Variants in PPM1A observed in about 807,000 individuals in gnomAD.
PPM1A encodes the protein protein phosphatase 1A.
In PPM1A, 7 loss-of-function variants were observed where a neutral mutation model predicts 35.0. The observed-to-expected ratio is 0.20, with a 90% CI of 0.11 to 0.38. The LOEUF is 0.38. Among genes scored for constraint, PPM1A ranks in the 10% least tolerant of loss-of-function variants. The pLI, the probability that PPM1A is intolerant of heterozygous loss-of-function variation, is 1.00. For missense variants in PPM1A, 239 were observed against 467.8 expected, an observed-to-expected ratio of 0.51 and a Z score of 4.51; for synonymous variants, 153 against 167.3, an observed-to-expected ratio of 0.91 and a Z score of 0.66.
chr14:60,262,851 G>A (rs914321468), intron 1 of PPM1A, among the ~76,000 whole-genome samples: 2 of 152,182 alleles, frequency 1.3e-5, no homozygotes, highest in African/African-American at 4.8e-5. Flanking sequence ...TCATTGTGCT[G>A]GTATTTTCTG....
intron 2 of PPM1A, among the ~76,000 whole-genome samples, chr14:60,284,484 C>G (rs1886732463): frequency 6.6e-6 from 1 of 151,716 alleles, no homozygotes; most frequent in East Asian, 1.9e-4. Flanking sequence ...TACTAAAAAA[C>G]ACAAAAAATT....
rs1411079480 is a variant in PPM1A, at chr14:60,298,107, A to C, written c.*5625A>C. On this transcript the variant is annotated 3_prime_UTR_variant, in exon 6 of 6. Transcript: ENST00000395076. The stretch of plus-strand genomic sequence containing the variant: ...GGTGGGGAAAGTGATTAAAAGGTGA[A>C]AAAAAAACATAGTATTCAGAAGTTT... The C allele has an allele frequency of 1.3e-5, 2 of 151,650 alleles. No individual in the cohort carries two copies. Among genetic ancestry groups the C allele is most frequent in the Non-Finnish European group, 3.0e-5 (2 of 67,704 alleles). The allele number at this position is 151,650 out of a possible 1,614,324, so 9.4% of individuals were successfully genotyped here.
At chr14:60,256,115 T>C (rs1336633118) in intron 1 of PPM1A, among the ~76,000 whole-genome samples, 1 of 152,246 alleles carries the variant, frequency 6.6e-6, no homozygotes, top group African/African-American at 2.4e-5. Context: ...AATGCTAGAC[T>C]ATTTTCAGTG....
chr14:60,253,687 A>G (rs1882711087), intron 1 of PPM1A, among the ~76,000 whole-genome samples: 1 of 152,204 alleles, frequency 6.6e-6, no homozygotes, highest in Non-Finnish European at 1.5e-5. Flanking sequence ...TCTCATTCCC[A>G]AAGTTTCAGA....
At chr14:60,254,447 A>G (rs905156357) in intron 1 of PPM1A, among the ~76,000 whole-genome samples, 3 of 152,214 alleles carry the variant, frequency 2.0e-5, no homozygotes, top group Non-Finnish European at 2.9e-5. Flanking sequence ...ATCAGTCAGT[A>G]AGGAAGGACA....
At chr14:60,246,147 T>G (rs1409974654), upstream of PPM1A, 8 of 1,129,718 alleles carry the variant, frequency 7.1e-6, no homozygotes, top group Non-Finnish European at 9.9e-6. Context: ...AGGGGTATTC[T>G]CAAATACTAG....
chr14:60,251,723 C>T (rs1882443333), intron 1 of PPM1A, among the ~76,000 whole-genome samples: 1 of 152,060 alleles, frequency 6.6e-6, no homozygotes, highest in Admixed American at 6.5e-5. Context: ...ATTTCTTTCT[C>T]GGTTCTGTTT....
At chr14:60,258,035 C>G (rs1883337121) in intron 1 of PPM1A, among the ~76,000 whole-genome samples, 1 of 152,044 alleles carries the variant, frequency 6.6e-6, no homozygotes, top group Admixed American at 6.6e-5. Flanking sequence ...GTTTTGTGAC[C>G]AACCCACAGC....
chr14:60,278,185 G>A (rs1296103126), intron 1 of PPM1A, among the ~76,000 whole-genome samples: 1 of 152,176 alleles, frequency 6.6e-6, no homozygotes, highest in Middle Eastern at 3.2e-3. Flanking sequence ...GTTGTTCAGA[G>A]ATAAAAATGT....
At chr14:60,251,630 T>G (rs553478004) in intron 1 of PPM1A, among the ~76,000 whole-genome samples, 83 of 152,348 alleles carry the variant, frequency 5.4e-4, no homozygotes, top group Non-Finnish European at 7.9e-4. Context: ...TTTATCAATA[T>G]TGTGTGTCTA....
chr14:60,290,150 T>A (rs573430869), intron 4 of PPM1A, among the ~76,000 whole-genome samples: 10 of 152,312 alleles, frequency 6.6e-5, no homozygotes, highest in African/African-American at 2.2e-4. Flanking sequence ...TGGTTGGCAT[T>A]GATTTCCTCA....
rs377106476 is a variant in PPM1A, at chr14:60,249,458, A to G, written c.-240A>G. The G allele has an allele frequency of 1.5e-4, 143 of 985,094 alleles. No homozygotes were observed. The African/African-American group carries it at 1.8e-3, about 12-fold the overall frequency. 61.0% of individuals were successfully genotyped at this position (985,094 alleles called of 1,614,324 possible). ...GACCCGCTCTCTGCCTCCCTCTCCAACGCCCGGATGATCTGAGCCGCGAGG... is the reference window on the plus strand; with the variant it reads ...GACCCGCTCTCTGCCTCCCTCTCCAGCGCCCGGATGATCTGAGCCGCGAGG... On this transcript the variant is annotated 5_prime_UTR_variant, in exon 1 of 6. Transcript: ENST00000395076. This position sits in a 1 kb window ranked among gnomAD's most constrained non-coding sequence, Gnocchi z 4.5.
chr14:60,264,571 G>A (rs986115067), intron 1 of PPM1A, among the ~76,000 whole-genome samples: 3 of 152,170 alleles, frequency 2.0e-5, no homozygotes, highest in Non-Finnish European at 2.9e-5. Flanking sequence ...GCTTAAGTAT[G>A]TTGTTTTATC....
At chr14:60,281,138 TAAG>T (rs1413148436) in intron 1 of PPM1A, among the ~76,000 whole-genome samples, 1 of 152,236 alleles carries the variant, frequency 6.6e-6, no homozygotes, top group Non-Finnish European at 1.5e-5. Context: ...TGCCTGCTAA[TAAG>T]GTGTCATTAT....
rs904400932 is a variant in PPM1A at position 60,273,802 on chromosome 14, G to A, written c.-20-8882G>A. Among the ~76,000 whole-genome samples, 6 of 152,196 alleles carry A rather than the reference G, an allele frequency of 3.9e-5. No individual in the cohort carries two copies. The highest frequency in any genetic ancestry group is 7.3e-5 in the Non-Finnish European group (5 of 68,028). On this transcript the variant is annotated intron_variant, in intron 1 of 5. Transcript: ENST00000395076. This position sits in a 1 kb window ranked among gnomAD's most constrained non-coding sequence, Gnocchi z 4.3. ...ATTTGATGATGGACTGATGGGAGAT[G>A]AGGTAGAGAGAGGTATCAAAGATAT...
rs1887995103 is a variant in PPM1A, at chr14:60,295,567, A to G, written c.*3085A>G. ...ACAGCAGTACTTTTAGTGATCATTC[A>G]TAGGACTATATATTAACCCAGCTAA... On this transcript the variant is annotated 3_prime_UTR_variant, in exon 6 of 6. Transcript: ENST00000395076. 1 of 151,668 alleles carries G rather than the reference A, an allele frequency of 6.6e-6. No homozygotes were observed. The allele number at this position is 151,668 out of a possible 1,614,324, so 9.4% of individuals were successfully genotyped here. A position where few individuals can be genotyped will look rare whatever the true frequency, so the allele number is the denominator to read the frequency against.
intron 2 of PPM1A, among the ~76,000 whole-genome samples, chr14:60,285,334 A>G (rs1886878585): frequency 6.6e-6 from 1 of 152,196 alleles, no homozygotes; most frequent in East Asian, 1.9e-4. Flanking sequence ...TAGAAATAGT[A>G]TTGTTTTATA....
At chr14:60,285,380 C>T (rs73317850) in intron 2 of PPM1A, among the ~76,000 whole-genome samples, 1,937 of 152,218 alleles carry the variant, frequency 0.013, 46 homozygotes, top group African/African-American at 0.044. Flanking sequence ...TGAGATTAAC[C>T]TGTAATGTTT....
At chr14:60,275,844 C>CTTTTTT (rs531960264) in intron 1 of PPM1A, among the ~76,000 whole-genome samples, 1 of 130,460 alleles carries the variant, frequency 7.7e-6, no homozygotes, top group African/African-American at 2.8e-5. Context: ...AAAGATTAGC[C>CTTTTTT]TTTTTTTTTT....
Sources: gnomAD v4.1 joint callset for allele counts (sites outside exome capture counted in the v4.1 genomes callset) on GRCh38, gnomAD v4.1.1 for gene constraint, Gnocchi (gnomAD v3.1) non-coding constraint, MANE v1.5 for transcripts, NCBI Gene and HGNC (gene_info 2026-07-23, HGNC 2026-07-21) for gene names.